Variants in CLIC5 observed in about 807,000 individuals in gnomAD.
CLIC5 encodes the protein chloride intracellular channel protein 5.
Under a neutral mutation model 24.7 loss-of-function variants are expected in CLIC5, and 20 were observed. That is an observed-to-expected ratio of 0.81 (90% CI 0.57 to 1.18). The LOEUF (loss-of-function observed/expected upper bound fraction) is 1.18, where lower values mean the gene tolerates loss of function less well. Among genes scored for constraint, CLIC5 ranks in the 50% most tolerant of loss-of-function variants. CLIC5 has a pLI of 0.00. For synonymous variants in CLIC5, 159 were observed against 135.6 expected, an observed-to-expected ratio of 1.17 and a Z score of -1.20; for missense variants, 341 against 326.1, an observed-to-expected ratio of 1.05 and a Z score of -0.35.
chr6:46,006,762 A>C (rs1581854188), intron 1 of CLIC5, among the ~76,000 whole-genome samples: 1 of 136,114 alleles, frequency 7.3e-6, no homozygotes, highest in African/African-American at 2.8e-5. Context: ...TGCAACATCC[A>C]CCTCCCGGGT....
intron 1 of CLIC5, among the ~76,000 whole-genome samples, chr6:46,056,221 G>A (rs1768246355): frequency 6.6e-6 from 1 of 152,144 alleles, no homozygotes; most frequent in Admixed American, 6.5e-5. Flanking sequence ...CACCCCTCTT[G>A]TATGGTGTTT....
At chr6:46,100,593 A>C in the CLIC5 span, among the ~76,000 whole-genome samples, 2 of 152,208 alleles carry the variant, frequency 1.3e-5, no homozygotes, top group African/African-American at 2.4e-5. Context: ...ACTGGGGCTC[A>C]AGTGGATGGG....
At chr6:46,093,473 A>G in the CLIC5 span, among the ~76,000 whole-genome samples, 1 of 152,222 alleles carries the variant, frequency 6.6e-6, no homozygotes, top group African/African-American at 2.4e-5. Flanking sequence ...CCACAGTCTG[A>G]CTAGGAAAGT....
the CLIC5 span, among the ~76,000 whole-genome samples, chr6:46,119,006 C>T: frequency 6.6e-6 from 1 of 152,154 alleles, no homozygotes; most frequent in Admixed American, 6.6e-5. Context: ...TTAGAAGATG[C>T]TTTGCAGATA....
intron 1 of CLIC5, among the ~76,000 whole-genome samples, chr6:46,038,354 A>G (rs1039562767): frequency 6.6e-6 from 1 of 152,220 alleles, no homozygotes; most frequent in Non-Finnish European, 1.5e-5. Flanking sequence ...CTTCCCACCC[A>G]GGTGGGTCCT....
intron 1 of CLIC5, among the ~76,000 whole-genome samples, chr6:46,052,033 T>G (rs1768117555): frequency 6.6e-6 from 1 of 152,182 alleles, no homozygotes; most frequent in Non-Finnish European, 1.5e-5. Flanking sequence ...TGTCTACTGT[T>G]TTGCACTCCC....
chr6:45,928,214 T>C (rs1274147008), intron 4 of CLIC5, among the ~76,000 whole-genome samples: 2 of 152,218 alleles, frequency 1.3e-5, no homozygotes, highest in African/African-American at 4.8e-5. Context: ...AATACCAGAC[T>C]AGATTTAATC....
chr6:46,028,532 C>G (rs1459743242), intron 1 of CLIC5, among the ~76,000 whole-genome samples: 1 of 152,210 alleles, frequency 6.6e-6, no homozygotes, highest in African/African-American at 2.4e-5. Context: ...ATTATACCTC[C>G]CATTTATCAG....
intron 1 of CLIC5, among the ~76,000 whole-genome samples, chr6:46,065,228 C>T (rs76852653): frequency 0.077 from 11,739 of 151,840 alleles, 476 homozygotes; most frequent in Middle Eastern, 0.13. Context: ...AGTGAAATGC[C>T]GTGATATATT....
the CLIC5 span, among the ~76,000 whole-genome samples, chr6:46,098,393 T>C: frequency 6.6e-6 from 1 of 152,346 alleles, no homozygotes; most frequent in East Asian, 1.9e-4. Flanking sequence ...AAAATGCTAC[T>C]AGTAAATGAA....
chr6:46,097,884 T>C, the CLIC5 span, among the ~76,000 whole-genome samples: 2 of 152,218 alleles, frequency 1.3e-5, no homozygotes, highest in Non-Finnish European at 2.9e-5. Context: ...CGGAAACTAC[T>C]GATGAGTTAG....
intron 6 of CLIC5, among the ~76,000 whole-genome samples, chr6:45,887,446 A>G (rs187215083): frequency 6.6e-6 from 1 of 152,296 alleles, no homozygotes; most frequent in East Asian, 1.9e-4. Context: ...CCTCTTGTAA[A>G]GACACCAGTC....
intron 4 of CLIC5, among the ~76,000 whole-genome samples, chr6:45,939,165 C>G (rs1423088103): frequency 6.6e-6 from 1 of 151,498 alleles, no homozygotes; most frequent in Non-Finnish European, 1.5e-5. Context: ...CAGTCTCTGA[C>G]TGTCTTCACA....
At chr6:45,893,229 G>C (rs537625931) in intron 6 of CLIC5, among the ~76,000 whole-genome samples, 2 of 147,696 alleles carry the variant, frequency 1.4e-5, no homozygotes, top group South Asian at 4.2e-4. Flanking sequence ...GTGCCACCCT[G>C]GTTTTTTTTT....
At chr6:45,970,247 G>C (rs1236068416) in intron 1 of CLIC5, among the ~76,000 whole-genome samples, 1 of 152,164 alleles carries the variant, frequency 6.6e-6, no homozygotes, top group East Asian at 1.9e-4. Flanking sequence ...ACTGTGGTTA[G>C]TCCTGGATGA....
At chr6:45,986,413 G>A (rs1359832593) in intron 1 of CLIC5, among the ~76,000 whole-genome samples, 3 of 152,170 alleles carry the variant, frequency 2.0e-5, no homozygotes, top group African/African-American at 7.2e-5. Context: ...GTGACCTCAG[G>A]CAGGTAAAAA....
chr6:46,077,168 T>C (rs892808532), intron 1 of CLIC5, among the ~76,000 whole-genome samples: 10 of 152,176 alleles, frequency 6.6e-5, no homozygotes, highest in South Asian at 2.1e-4. Flanking sequence ...ATAAGATCTG[T>C]TGAATGAATA....
chr6:46,061,725 C>T (rs1006067478), intron 1 of CLIC5, among the ~76,000 whole-genome samples: 10 of 152,154 alleles, frequency 6.6e-5, no homozygotes, highest in African/African-American at 2.4e-4. Context: ...GTTTGCTTTG[C>T]CTAATAGTTA....
rs990989479 is a variant in CLIC5 at position 45,901,356 on chromosome 6, G to A, written c.*1732C>T. ...GTTCCTCTTCCTCAATGGGCTCTAG[G>A]AGACCTCCTGCTTCCTCTCCTCTGA... On this transcript the variant is annotated 3_prime_UTR_variant, in exon 6 of 6. Transcript: ENST00000339561. The A allele has an allele frequency of 2.0e-5, 3 of 152,138 alleles. No individual in the cohort carries two copies. Among genetic ancestry groups the A allele is most frequent in the African/African-American group, 2.4e-5 (1 of 41,426 alleles). The allele number at this position is 152,138 out of a possible 1,614,324, so 9.4% of individuals were successfully genotyped here.
Sources: gnomAD v4.1 joint callset for allele counts (sites outside exome capture counted in the v4.1 genomes callset) on GRCh38, gnomAD v4.1.1 for gene constraint, MANE v1.5 for transcripts, NCBI Gene and HGNC (gene_info 2026-07-23, HGNC 2026-07-21) for gene names.